TMEM178B: variants seen among roughly 807,000 people sequenced by gnomAD.
TMEM178B encodes the protein transmembrane protein 178B.
Under a neutral mutation model 31.0 loss-of-function variants are expected in TMEM178B, and 5 were observed. The observed-to-expected ratio is 0.16, with a 90% confidence interval of 0.08 to 0.34. TMEM178B has a LOEUF of 0.34. Ranked by LOEUF, TMEM178B falls within the 10% of genes least tolerant of loss-of-function variation. The pLI is 1.00. For synonymous variants in TMEM178B, 164 were observed against 164.0 expected (o/e 1.00, Z 0.00); for missense variants, 275 against 400.3 (o/e 0.69, Z 2.67).
At chr7:141,115,274 C>T (rs534184552) in intron 1 of TMEM178B, among the ~76,000 whole-genome samples, 1 of 140,276 alleles carries the variant, frequency 7.1e-6, no homozygotes, top group African/African-American at 2.9e-5. Context: ...CTCCTGACCT[C>T]AGGTGATTCA....
chr7:141,337,167 C>G (rs868663634), intron 2 of TMEM178B, among the ~76,000 whole-genome samples: 1 of 61,190 alleles, frequency 1.6e-5, no homozygotes, highest in African/African-American at 7.9e-5. Context: ...ATCACCACCA[C>G]CACCACCACC....
At chr7:141,199,471 C>A (rs996464597) in intron 1 of TMEM178B, among the ~76,000 whole-genome samples, 2 of 152,176 alleles carry the variant, frequency 1.3e-5, no homozygotes, top group Admixed American at 6.5e-5. Context: ...GATCTCCATC[C>A]GTTGTAGTGG....
At chr7:141,150,817 C>G (rs556323601) in intron 1 of TMEM178B, among the ~76,000 whole-genome samples, 1 of 152,288 alleles carries the variant, frequency 6.6e-6, no homozygotes, top group Non-Finnish European at 1.5e-5. Context: ...AAGTCACATA[C>G]TTTTGGGGTG....
At position 141,349,000 on chromosome 7, in the gene TMEM178B, T is replaced by C. The variant is rs533890930; in HGVS notation, c.497-88608T>C. Among the ~76,000 whole-genome samples the C allele has an allele frequency of 1.4e-3, 209 of 152,274 alleles. 4 individuals carry two copies. In the South Asian group the frequency reaches 0.038, roughly 28 times the overall value. On this transcript the variant is annotated intron_variant, in intron 2 of 3. Transcript: ENST00000565468. ...TGAAATGTTCCCACAGTGACTGACA[T>C]ACAGCAAAGGAAAAAGATCAAGAAA...
chr7:141,219,957 A>G (rs1797228108), intron 2 of TMEM178B, among the ~76,000 whole-genome samples: 1 of 151,880 alleles, frequency 6.6e-6, no homozygotes, highest in Non-Finnish European at 1.5e-5. Context: ...TAGCATTTTT[A>G]TTTTTCAGGA....
At chr7:141,388,666 A>AT (rs1800476804) in intron 2 of TMEM178B, among the ~76,000 whole-genome samples, 1 of 151,914 alleles carries the variant, frequency 6.6e-6, no homozygotes, top group Non-Finnish European at 1.5e-5. Flanking sequence ...GTTGGCATTA[A>AT]TTTTTTCCCA....
intron 1 of TMEM178B, among the ~76,000 whole-genome samples, chr7:141,167,481 T>A (rs1796280580): frequency 6.6e-6 from 1 of 152,194 alleles, no homozygotes; most frequent in African/African-American, 2.4e-5. Flanking sequence ...TCCCATCAGG[T>A]TCTATTAGGA....
chr7:141,396,774 T>A (rs1800665385), intron 2 of TMEM178B, among the ~76,000 whole-genome samples: 1 of 152,072 alleles, frequency 6.6e-6, no homozygotes, highest in East Asian at 1.9e-4. Context: ...AGAGAGAGGA[T>A]AAAGAAGGTC....
intron 1 of TMEM178B, among the ~76,000 whole-genome samples, chr7:141,155,704 G>T (rs917418897): frequency 6.6e-6 from 1 of 152,124 alleles, no homozygotes; most frequent in Non-Finnish European, 1.5e-5. Flanking sequence ...TTCCCAGGCA[G>T]GGCCATTTTC....
chr7:141,416,699 G>A (rs1405529020), intron 2 of TMEM178B, among the ~76,000 whole-genome samples: 1 of 152,188 alleles, frequency 6.6e-6, no homozygotes, highest in Non-Finnish European at 1.5e-5. Context: ...GGCCTCATTA[G>A]TGAGCACCTT....
intron 2 of TMEM178B, among the ~76,000 whole-genome samples, chr7:141,300,421 A>G (rs527720603): frequency 9.8e-5 from 15 of 152,294 alleles, no homozygotes; most frequent in Middle Eastern, 6.8e-3. Flanking sequence ...TGTGGGAGAG[A>G]TGAATGAGAA....
At chr7:141,227,219 G>C (rs923994218) in intron 2 of TMEM178B, among the ~76,000 whole-genome samples, 2 of 152,222 alleles carry the variant, frequency 1.3e-5, no homozygotes, top group African/African-American at 4.8e-5. Flanking sequence ...TCCAGAGGAG[G>C]AAACGACCAT....
chr7:141,337,425 T>C (rs944389306), intron 2 of TMEM178B, among the ~76,000 whole-genome samples: 1 of 151,934 alleles, frequency 6.6e-6, no homozygotes, highest in African/African-American at 2.4e-5. Context: ...TTATTGGGCT[T>C]ACTTGCCAAG....
At chr7:141,107,337 A>T (rs1317380433) in intron 1 of TMEM178B, among the ~76,000 whole-genome samples, 1 of 152,160 alleles carries the variant, frequency 6.6e-6, no homozygotes, top group Admixed American at 6.5e-5. Context: ...TTTTTCAAGG[A>T]TCATTCTGGG....
At chr7:141,134,698 A>G (rs540733509) in intron 1 of TMEM178B, among the ~76,000 whole-genome samples, 3 of 152,370 alleles carry the variant, frequency 2.0e-5, no homozygotes, top group East Asian at 1.9e-4. Flanking sequence ...CTGTGAATGA[A>G]TTAAATATCT....
chr7:141,146,645 A>G (rs1019279023), intron 1 of TMEM178B, among the ~76,000 whole-genome samples: 6 of 152,184 alleles, frequency 3.9e-5, no homozygotes, highest in African/African-American at 1.4e-4. Flanking sequence ...TACTATTATT[A>G]TCAGTACTAC....
the TMEM178B span, among the ~76,000 whole-genome samples, chr7:141,491,470 T>G: frequency 2.0e-5 from 3 of 152,270 alleles, no homozygotes; most frequent in African/African-American, 7.2e-5. Context: ...ACTTCTTATT[T>G]TGTTAAAGAC....
intron 2 of TMEM178B, among the ~76,000 whole-genome samples, chr7:141,381,681 C>A (rs752605499): frequency 1.1e-4 from 17 of 152,160 alleles, no homozygotes; most frequent in Non-Finnish European, 2.1e-4. Flanking sequence ...CTAACTACTT[C>A]TCTGAGGTTT....
intron 2 of TMEM178B, among the ~76,000 whole-genome samples, chr7:141,327,830 A>G (rs941335411): frequency 6.6e-6 from 1 of 152,210 alleles, no homozygotes; most frequent in South Asian, 2.1e-4. Context: ...AAGTTGCATT[A>G]TAGTTGAAAA....
Sources: gnomAD v4.1 joint callset for allele counts (sites outside exome capture counted in the v4.1 genomes callset) on GRCh38, gnomAD v4.1.1 for gene constraint, MANE v1.5 for transcripts, NCBI Gene and HGNC (gene_info 2026-07-23, HGNC 2026-07-21) for gene names.